The following HS3ST4 variants were observed in gnomAD, a reference collection of about 807,000 sequenced individuals.
HS3ST4 encodes the protein heparan sulfate glucosamine 3-O-sulfotransferase 4.
In HS3ST4, 17 loss-of-function variants were observed where a neutral mutation model predicts 29.2. That is an observed-to-expected ratio of 0.58 (90% CI 0.40 to 0.87). The LOEUF is 0.87. HS3ST4 is among the 40% of genes least tolerant of loss of function. HS3ST4 has a pLI of 0.00. For missense variants in HS3ST4, 627 were observed against 634.5 expected (o/e 0.99, Z 0.13); for synonymous variants, 314 against 285.7 (o/e 1.10, Z -1.00).
chr16:25,721,756 GGAGGGAAAGAACGTCAT>G (rs1162907690), intron 1 of HS3ST4, among the ~76,000 whole-genome samples: 6 of 152,206 alleles, frequency 3.9e-5, no homozygotes, highest in African/African-American at 1.4e-4. Flanking sequence ...TGAAAGAGAA[GGAGGGAAAGAACGTCAT>G]GAGGGAAAGA....
intron 1 of HS3ST4, among the ~76,000 whole-genome samples, chr16:26,049,864 G>A (rs748599719): frequency 3.0e-4 from 45 of 152,120 alleles, no homozygotes; most frequent in Non-Finnish European, 4.0e-4. Flanking sequence ...TTATTATAAA[G>A]GATGTTACAA....
chr16:25,986,173 T>C (rs1472500949), intron 1 of HS3ST4, among the ~76,000 whole-genome samples: 1 of 152,226 alleles, frequency 6.6e-6, no homozygotes, highest in African/African-American at 2.4e-5. Context: ...TAATTATCTC[T>C]ACCTAACAAA....
intron 1 of HS3ST4, among the ~76,000 whole-genome samples, chr16:25,729,052 C>T (rs1429349642): frequency 6.6e-6 from 1 of 151,794 alleles, no homozygotes; most frequent in Non-Finnish European, 1.5e-5. Flanking sequence ...CACTGCACTC[C>T]AGCCTGGGCG....
chr16:26,055,591 C>T (rs1055071171), intron 1 of HS3ST4, among the ~76,000 whole-genome samples: 2 of 152,118 alleles, frequency 1.3e-5, no homozygotes, highest in African/African-American at 4.8e-5. Context: ...GCAATACCCA[C>T]CAATGCTTAG....
chr16:25,823,723 G>A (rs1278717199), intron 1 of HS3ST4, among the ~76,000 whole-genome samples: 1 of 152,046 alleles, frequency 6.6e-6, no homozygotes, highest in African/African-American at 2.4e-5. Context: ...ATGATGCCCA[G>A]CTAAGTTATT....
intron 1 of HS3ST4, among the ~76,000 whole-genome samples, chr16:26,011,116 G>C (rs1021117229): frequency 3.9e-5 from 6 of 152,156 alleles, no homozygotes; most frequent in African/African-American, 1.4e-4. Flanking sequence ...CCAGGACACA[G>C]CTTGGCATGG....
At chr16:25,828,643 C>T (rs186235917) in intron 1 of HS3ST4, among the ~76,000 whole-genome samples, 2 of 152,074 alleles carry the variant, frequency 1.3e-5, no homozygotes, top group Non-Finnish European at 1.5e-5. Context: ...GCCTGGCCCC[C>T]GATAAGTAGT....
At chr16:25,907,145 A>G (rs1339324684) in intron 1 of HS3ST4, among the ~76,000 whole-genome samples, 1 of 152,172 alleles carries the variant, frequency 6.6e-6, no homozygotes, top group African/African-American at 2.4e-5. Context: ...ACAGTGAGCT[A>G]TGATGGCACC....
intron 1 of HS3ST4, among the ~76,000 whole-genome samples, chr16:26,031,536 G>A (rs143213621): frequency 8.3e-4 from 126 of 152,146 alleles, no homozygotes; most frequent in African/African-American, 3.0e-3. Context: ...CTTGATTATC[G>A]TTGCACTTAT....
At chr16:25,909,654 A>G (rs1228154488) in intron 1 of HS3ST4, among the ~76,000 whole-genome samples, 1 of 152,192 alleles carries the variant, frequency 6.6e-6, no homozygotes, top group Admixed American at 6.5e-5. Context: ...GTGAATGTTT[A>G]ACTGAGATCC....
In HS3ST4 at chr16:25,692,616, G is replaced by T; in HGVS notation, c.199G>T (p.Glu67Ter). 1.5e-6 allele frequency: 2 copies of T among 1,378,744 alleles called. No individual in the cohort carries two copies. Among genetic ancestry groups the T allele is most frequent in the Non-Finnish European group, 1.9e-6 (2 of 1,055,906 alleles). The allele number at this position is 1,378,744 out of a possible 1,614,324, so 85.4% of individuals were successfully genotyped here. Reference sequence around the variant, plus strand: ...CCTGCAATTCCCTCTGGCGCTGCAGGAGTCGCCGGGCGCCGCCGCCGAGCC... The same window carrying T: ...CCTGCAATTCCCTCTGGCGCTGCAGTAGTCGCCGGGCGCCGCCGCCGAGCC... ...GSLQFPLALQ[E>*]SPGAAAEPPP... The change falls in exon 1 of 2, where the codon GAG becomes TAG. Residue 67 changes from glutamate (E) to a stop codon, truncating the protein, a stop_gained. Transcript: ENST00000331351. LOFTEE classifies it high-confidence loss of function.
intron 1 of HS3ST4, among the ~76,000 whole-genome samples, chr16:26,076,051 C>A (rs1190395707): frequency 6.6e-6 from 1 of 152,146 alleles, no homozygotes; most frequent in East Asian, 1.9e-4. Context: ...CAGTCCCAGA[C>A]CAGCCAATTT....
At chr16:26,076,294 T>G (rs1898663778) in intron 1 of HS3ST4, among the ~76,000 whole-genome samples, 1 of 152,210 alleles carries the variant, frequency 6.6e-6, no homozygotes, top group African/African-American at 2.4e-5. Flanking sequence ...TAGGTTAACT[T>G]GGCTAAAGCA....
At chr16:25,806,096 T>C (rs1966988281) in intron 1 of HS3ST4, among the ~76,000 whole-genome samples, 1 of 152,194 alleles carries the variant, frequency 6.6e-6, no homozygotes, top group South Asian at 2.1e-4. Context: ...TTTCTTTATC[T>C]AGTCTGTTAT....
At chr16:26,131,837 A>G (rs867556850) in intron 1 of HS3ST4, among the ~76,000 whole-genome samples, 1 of 152,320 alleles carries the variant, frequency 6.6e-6, no homozygotes, top group Middle Eastern at 3.4e-3. Context: ...GTGGAGATTA[A>G]TGGCTTGTCA....
At chr16:26,128,045 C>A (rs1159071557) in intron 1 of HS3ST4, among the ~76,000 whole-genome samples, 1 of 152,128 alleles carries the variant, frequency 6.6e-6, no homozygotes, top group Non-Finnish European at 1.5e-5. Flanking sequence ...ATTTTACCTT[C>A]TAGTCTCCTT....
intron 1 of HS3ST4, among the ~76,000 whole-genome samples, chr16:25,850,001 CT>C (rs11342321): frequency 0.23 from 30,692 of 133,640 alleles, 2,900 homozygotes; most frequent in East Asian, 0.39. Context: ...GCCTAGATGC[CT>C]TTTTTTTTTT....
intron 1 of HS3ST4, among the ~76,000 whole-genome samples, chr16:25,749,685 A>G (rs2141601307): frequency 6.6e-6 from 1 of 152,300 alleles, no homozygotes; most frequent in East Asian, 1.9e-4. Context: ...AAGGGATAAT[A>G]GCTTTCTACC....
At chr16:25,994,341 C>T (rs1969140934) in intron 1 of HS3ST4, among the ~76,000 whole-genome samples, 1 of 151,390 alleles carries the variant, frequency 6.6e-6, no homozygotes, top group Non-Finnish European at 1.5e-5. Context: ...ATTTTTAATC[C>T]TTTAGATTTA....
Sources: allele counts gnomAD v4.1 joint callset (sites outside exome capture counted in the v4.1 genomes callset), GRCh38; gene constraint gnomAD v4.1.1; transcripts MANE v1.5; gene names NCBI Gene and HGNC (gene_info 2026-07-23, HGNC 2026-07-21).